The following INPP4B variants were observed in gnomAD, a reference collection of about 807,000 sequenced individuals.
INPP4B encodes inositol polyphosphate 4-phosphatase type II.
A neutral mutation model predicts 122.5 loss-of-function variants in INPP4B; 55 were observed. The ratio of observed to expected loss-of-function variants is 0.45; its 90% CI spans 0.36 to 0.56. The LOEUF is 0.56. Ranked by LOEUF, INPP4B falls within the 20% of genes least tolerant of loss-of-function variation. The probability of loss-of-function intolerance (pLI) is 0.00; values close to 1 mark genes in which losing one functional copy is unlikely to be tolerated. For missense variants in INPP4B, 1,000 were observed against 1,097.7 expected (o/e 0.91, Z 1.26); for synonymous variants, 403 against 388.7 (o/e 1.04, Z -0.43).
intron 2 of INPP4B, among the ~76,000 whole-genome samples, chr4:142,684,947 T>C (rs1478939263): frequency 6.6e-6 from 1 of 152,082 alleles, no homozygotes; most frequent in East Asian, 1.9e-4. Context: ...GCTGGTTATA[T>C]ATTAATAAAA....
chr4:142,340,927 G>C lies in INPP4B; in HGVS notation c.373-26165C>G, dbSNP rs375361968. 9.9e-5 allele frequency among the ~76,000 whole-genome samples: 15 copies of C among 152,214 alleles called. No individual in the cohort carries two copies. In the East Asian group the frequency reaches 1.5e-3, roughly 16 times the overall value. On this transcript the variant is annotated intron_variant, in intron 7 of 25. Transcript: ENST00000262992. ...GTAGATCTGTTGTTTTATCATATCT[G>C]GTTCTGAGAAAGGACCTAGAGAGCT...
At chr4:142,104,200 G>A (rs77519236) in intron 23 of INPP4B, among the ~76,000 whole-genome samples, 2,178 of 152,208 alleles carry the variant, frequency 0.014, 38 homozygotes, top group East Asian at 0.06. Context: ...CTCCCTTAAA[G>A]GGAAGAGGAA....
intron 2 of INPP4B, among the ~76,000 whole-genome samples, chr4:142,482,047 T>C (rs1670862923): frequency 6.6e-6 from 1 of 152,178 alleles, no homozygotes; most frequent in African/African-American, 2.4e-5. Context: ...ACAGTCTCTT[T>C]CCCATAAGGG....
intron 3 of INPP4B, among the ~76,000 whole-genome samples, chr4:142,456,139 CAG>C (rs1325170310): frequency 1.3e-5 from 2 of 151,740 alleles, no homozygotes; most frequent in Non-Finnish European, 2.9e-5. Flanking sequence ...CATCACTAAA[CAG>C]AAACTTTTTA....
At chr4:142,792,193 C>T (rs1776641401) in intron 1 of INPP4B, among the ~76,000 whole-genome samples, 2 of 152,038 alleles carry the variant, frequency 1.3e-5, no homozygotes, top group Admixed American at 1.3e-4. Flanking sequence ...TTTGAGACTG[C>T]AGTGAACAAT....
At chr4:142,064,894 C>A (rs2152454359) in intron 25 of INPP4B, among the ~76,000 whole-genome samples, 1 of 152,100 alleles carries the variant, frequency 6.6e-6, no homozygotes, top group African/African-American at 2.4e-5. Flanking sequence ...AATATAATGG[C>A]ACAATTTTCT....
intron 3 of INPP4B, among the ~76,000 whole-genome samples, chr4:142,442,742 C>A (rs1280488957): frequency 6.6e-6 from 1 of 152,124 alleles, no homozygotes; most frequent in Non-Finnish European, 1.5e-5. Context: ...TGGAGCAGAG[C>A]ATGGTAGGAA....
intron 2 of INPP4B, among the ~76,000 whole-genome samples, chr4:142,634,504 A>G (rs1041705904): frequency 2.0e-5 from 3 of 152,176 alleles, no homozygotes; most frequent in African/African-American, 4.8e-5. Flanking sequence ...ACCAAGTTCA[A>G]CCAAGGAATG....
At chr4:142,537,400 G>GCATATATATATATATATATA (rs781076599) in intron 2 of INPP4B, among the ~76,000 whole-genome samples, 1 of 32,988 alleles carries the variant, frequency 3.0e-5, no homozygotes, top group Non-Finnish European at 7.2e-5. Flanking sequence ...TTTACATACA[G>GCATATATATATATATATATA]TATATATATA....
At chr4:142,061,986 T>G (rs1331677221) in intron 25 of INPP4B, among the ~76,000 whole-genome samples, 1 of 150,148 alleles carries the variant, frequency 6.7e-6, no homozygotes, top group African/African-American at 2.5e-5. Flanking sequence ...TATGAAAAAA[T>G]TCATTCCAAT....
Position 142,263,672 on chromosome 4 carries a change from A to ATG in INPP4B, c.616-3109_616-3108insCA, listed in dbSNP as rs1211739018. 4.3e-5 allele frequency among the ~76,000 whole-genome samples: 5 copies of ATG among 115,384 alleles called. 1 individual carries two copies. The East Asian group carries it at 8.4e-4, about 19-fold the overall frequency. The allele number at this position is 115,384 out of a possible 152,430, so 75.7% of individuals were successfully genotyped here. A position where few individuals can be genotyped will look rare whatever the true frequency, so the allele number is the denominator to read the frequency against. On this transcript the variant is annotated intron_variant, in intron 10 of 25. Transcript: ENST00000262992. Reference sequence around the variant, plus strand: ...TATATATATATATATATATATATATATATATATAACATTGAACAATGACAA... The same window carrying ATG: ...TATATATATATATATATATATATATATGTATATATAACATTGAACAATGACAA...
chr4:142,728,194 A>G (rs565293508), intron 1 of INPP4B, among the ~76,000 whole-genome samples: 3 of 152,330 alleles, frequency 2.0e-5, no homozygotes, highest in African/African-American at 7.2e-5. Flanking sequence ...GACAAAATAT[A>G]AAGTGGCATT....
chr4:142,235,900 TTTTC>T (rs1429656723), intron 12 of INPP4B, among the ~76,000 whole-genome samples: 1 of 152,356 alleles, frequency 6.6e-6, no homozygotes, highest in Admixed American at 6.5e-5. Flanking sequence ...AAAATTCATC[TTTTC>T]TTTGTGTGGT....
At chr4:142,270,440 G>T (rs1745202828) in intron 10 of INPP4B, among the ~76,000 whole-genome samples, 1 of 152,156 alleles carries the variant, frequency 6.6e-6, no homozygotes, top group African/African-American at 2.4e-5. Context: ...CAGGGAAGAG[G>T]AAGGTGCTTC....
At chr4:142,300,668 A>C (rs1161650038) in intron 9 of INPP4B, among the ~76,000 whole-genome samples, 2 of 152,152 alleles carry the variant, frequency 1.3e-5, no homozygotes, top group Admixed American at 6.5e-5. Context: ...TATACATATA[A>C]ATACTACATA....
At chr4:142,624,412 GTTGT>G (rs1168273742) in intron 2 of INPP4B, among the ~76,000 whole-genome samples, 13 of 151,770 alleles carry the variant, frequency 8.6e-5, no homozygotes, top group East Asian at 3.9e-4. Context: ...TTTTGATGGG[GTTGT>G]TTGTTTTTTT....
chr4:142,406,253 C>T (rs1459330685), intron 5 of INPP4B, among the ~76,000 whole-genome samples: 1 of 152,030 alleles, frequency 6.6e-6, no homozygotes, highest in Admixed American at 6.6e-5. Context: ...CAGGCTGGAG[C>T]TATGGATGGG....
At chr4:142,597,358 G>A (rs1738941345) in intron 2 of INPP4B, among the ~76,000 whole-genome samples, 1 of 152,190 alleles carries the variant, frequency 6.6e-6, no homozygotes. Context: ...CCAGTTACTG[G>A]GGGTAGGGAT....
chr4:142,113,657 CA>C (rs1264493430), intron 21 of INPP4B, among the ~76,000 whole-genome samples: 1 of 151,834 alleles, frequency 6.6e-6, no homozygotes, highest in Non-Finnish European at 1.5e-5. Context: ...TGAGTGAGCG[CA>C]TTATTTTTCT....
Sources: allele counts gnomAD v4.1 joint callset (sites outside exome capture counted in the v4.1 genomes callset), GRCh38; gene constraint gnomAD v4.1.1; transcripts MANE v1.5; gene names NCBI Gene and HGNC (gene_info 2026-07-23, HGNC 2026-07-21).